OLFML2A: variants seen among roughly 807,000 people sequenced by gnomAD.
OLFML2A encodes olfactomedin-like protein 2A.
Under a neutral mutation model 60.9 loss-of-function variants are expected in OLFML2A, and 47 were observed. The ratio of observed to expected loss-of-function variants is 0.77; its 90% CI spans 0.61 to 0.98. The LOEUF is 0.98. Ranked by LOEUF, OLFML2A falls within the 50% of genes least tolerant of loss-of-function variation. OLFML2A has a pLI of 0.00. For synonymous variants in OLFML2A, 372 were observed against 375.0 expected (o/e 0.99, Z 0.09); for missense variants, 922 against 879.8 (o/e 1.05, Z -0.61).
At position 124,777,314 on chromosome 9, in the gene OLFML2A, C is replaced by G. The variant is rs990227467; in HGVS notation, c.44C>G (p.Pro15Arg). 6.2e-6 allele frequency: 8 copies of G among 1,298,122 alleles called. No individual in the cohort carries two copies. The highest frequency in any genetic ancestry group is 7.9e-6 in the Non-Finnish European group (8 of 1,017,244). 80.4% of individuals were successfully genotyped at this position (1,298,122 alleles called of 1,614,324 possible). ...ALPPRPLLLLPLVLLLSGRPT... is the reference protein window; with the variant it reads ...ALPPRPLLLLRLVLLLSGRPT... ...CCGCCCCGGCCGCTGCTCCTTCTGCCGCTAGTGCTGCTGCTGAGCGGCCGC... is the reference window on the plus strand; with the variant it reads ...CCGCCCCGGCCGCTGCTCCTTCTGCGGCTAGTGCTGCTGCTGAGCGGCCGC... The change falls in exon 1 of 8, where the codon CCG (proline) becomes CGG (arginine). Residue 15 changes from proline to arginine, a missense_variant. Transcript: ENST00000373580. The surrounding 1 kb of genome is among the most constrained non-coding windows in gnomAD (Gnocchi z 6.2).
intron 3 of OLFML2A, among the ~76,000 whole-genome samples, chr9:124,795,662 C>A (rs1239248684): frequency 1.3e-5 from 2 of 152,234 alleles, no homozygotes; most frequent in East Asian, 3.8e-4. Context: ...GTAATCCCAG[C>A]TACTCAGTAG....
intron 2 of OLFML2A, among the ~76,000 whole-genome samples, chr9:124,788,697 A>G (rs920851972): frequency 2.0e-5 from 3 of 152,176 alleles, no homozygotes; most frequent in African/African-American, 7.2e-5. Flanking sequence ...GCCCCAGACT[A>G]GGGCCCCCCA....
At chr9:124,783,037 A>T (rs990351774) in intron 1 of OLFML2A, among the ~76,000 whole-genome samples, 1 of 151,668 alleles carries the variant, frequency 6.6e-6, no homozygotes, top group Admixed American at 6.6e-5. Flanking sequence ...CCTGAGCCTG[A>T]CTGTTGGTGT....
In OLFML2A at chr9:124,810,131, G is replaced by A. The variant is rs748788898; in HGVS notation, c.1678G>A (p.Val560Met). The A allele has an allele frequency of 2.6e-5, 42 of 1,613,748 alleles. No individual in the cohort carries two copies. Among genetic ancestry groups the A allele is most frequent in the East Asian group, 1.6e-4 (7 of 44,884 alleles). The change falls in exon 8 of 8, where the codon GTG (valine) becomes ATG (methionine). Residue 560 changes from valine (V) to methionine (M), a missense_variant. Transcript: ENST00000373580. ...LSRLDPGDLS[V>M]HRETTWKTRL... The stretch of plus-strand genomic sequence containing the variant: ...TCGCTTGGACCCCGGCGATCTCTCC[G>A]TGCACCGGGAGACCACGTGGAAGAC...
chr9:124,787,315 A>G (rs1322663166), intron 2 of OLFML2A, 77 bp downstream of exon 2: 1 of 1,407,370 alleles, frequency 7.1e-7, no homozygotes, highest in Non-Finnish European at 9.9e-7. Context: ...TGAAAATTCC[A>G]CACACTCTGT....
chr9:124,794,823 T>C (rs1841635078), intron 2 of OLFML2A, among the ~76,000 whole-genome samples: 1 of 152,048 alleles, frequency 6.6e-6, no homozygotes, highest in Non-Finnish European at 1.5e-5. Context: ...TGTTTCACCA[T>C]GTTGGCCAGA....
Position 124,807,888 on chromosome 9 carries a change from G to A in OLFML2A, c.1276G>A (p.Asp426Asn), listed in dbSNP as rs1436028176. 6.2e-7 allele frequency: 1 copy of A among 1,614,196 alleles called. No homozygotes were observed. The highest frequency in any genetic ancestry group is 8.5e-7 in the Non-Finnish European group (1 of 1,180,018). Residue 426 changes from aspartate to asparagine, a missense_variant, in exon 7 of 8, where the codon GAC becomes AAC. Physicochemically the swap from Asp to Asn is conservative, Grantham distance 23. Coordinates refer to ENST00000373580, the MANE Select transcript of OLFML2A (RefSeq NM_182487.4). ...GAWMKDPAAR[D>N]DRIYVTNYYY... ...CTGGATGAAGGACCCTGCAGCTCGA[G>A]ACGACAGGATCTATGTCACCAACTA...
At chr9:124,799,538 G>C in intron 4 of OLFML2A, 47 bp downstream of exon 4, 1 of 1,470,598 alleles carries the variant, frequency 6.8e-7, no homozygotes, top group East Asian at 2.5e-5. Flanking sequence ...CTGAACTTGG[G>C]AGCTCAGTGT....
chr9:124,784,790 T>A (rs1190503864), intron 1 of OLFML2A, among the ~76,000 whole-genome samples: 1 of 152,138 alleles, frequency 6.6e-6, no homozygotes, highest in Non-Finnish European at 1.5e-5. Flanking sequence ...ATCTGTTTGC[T>A]GTCTCTATGG....
chr9:124,808,919 G>T (rs1317399654), intron 7 of OLFML2A, among the ~76,000 whole-genome samples: 2 of 151,912 alleles, frequency 1.3e-5, no homozygotes, highest in Non-Finnish European at 2.9e-5. Context: ...ACTTTGGGAG[G>T]CTGAGGTGGG....
Position 124,810,371 on chromosome 9 carries a change from A to G in OLFML2A, c.1918A>G (p.Asn640Asp). ...PKERVLYAWD[N>D]GHQLTYTLHF... ...GGAGCGGGTGCTGTACGCCTGGGAC[A>G]ATGGCCACCAGCTCACCTACACCCT... The change falls in exon 8 of 8, where the codon AAT (asparagine) becomes GAT (aspartate). Residue 640 changes from asparagine to aspartate, a missense_variant. By Grantham distance (23) the Asn-to-Asp change is conservative (BLOSUM62 1). Transcript: ENST00000373580. 6.2e-7 allele frequency: 1 copy of G among 1,601,080 alleles called. No individual in the cohort carries two copies. The highest frequency in any genetic ancestry group is 8.5e-7 in the Non-Finnish European group (1 of 1,179,544).
At chr9:124,783,628 GC>G (rs1648482261) in intron 1 of OLFML2A, among the ~76,000 whole-genome samples, 1 of 152,170 alleles carries the variant, frequency 6.6e-6, no homozygotes, top group Admixed American at 6.6e-5. Flanking sequence ...ATATTAAGTT[GC>G]CTACAGTCTC....
chr9:124,794,959 T>C (rs1195215963), intron 2 of OLFML2A, 65 bp from the exon 3 acceptor site: 5 of 967,646 alleles, frequency 5.2e-6, no homozygotes, highest in Admixed American at 2.1e-5. Flanking sequence ...GGGTTCCTTT[T>C]ACCCTCTGTG....
At chr9:124,782,793 C>T (rs1352298344) in intron 1 of OLFML2A, among the ~76,000 whole-genome samples, 3 of 152,132 alleles carry the variant, frequency 2.0e-5, no homozygotes, top group African/African-American at 7.2e-5. Flanking sequence ...TGTCACGGTC[C>T]GATGTGGAGG....
At chr9:124,803,942 C>T (rs1338940593) in intron 5 of OLFML2A, 152 bp from the exon 6 acceptor site, 1 of 823,558 alleles carries the variant, frequency 1.2e-6, no homozygotes, top group Non-Finnish European at 1.9e-6. Flanking sequence ...ATTTGGAGAC[C>T]TTTCACCCCC....
chr9:124,808,028 T>C (rs1265932619), intron 7 of OLFML2A, 62 bp downstream of exon 7: 45 of 1,300,062 alleles, frequency 3.5e-5, no homozygotes, highest in Non-Finnish European at 4.4e-5. Context: ...GGGGTCCTCA[T>C]GGGGACTTGG....
In OLFML2A at chr9:124,810,713, C is replaced by T. The variant is rs984386576; in HGVS notation, c.*301C>T. The T allele has an allele frequency of 3.6e-5, 15 of 417,890 alleles. No homozygotes were observed. Among genetic ancestry groups the T allele is most frequent in the Middle Eastern group, 6.6e-4 (1 of 1,516 alleles). 25.9% of individuals were successfully genotyped at this position (417,890 alleles called of 1,614,324 possible). Reference sequence around the variant, plus strand: ...CGAGGAGACAGGCTCAGAGAGGCACCGTCCCTTGCCTAACACCTCAGTTGT... The same window carrying T: ...CGAGGAGACAGGCTCAGAGAGGCACTGTCCCTTGCCTAACACCTCAGTTGT... On this transcript the variant is annotated 3_prime_UTR_variant, in exon 8 of 8. Coordinates refer to ENST00000373580, the MANE Select transcript of OLFML2A (RefSeq NM_182487.4).
intron 2 of OLFML2A, among the ~76,000 whole-genome samples, chr9:124,789,404 A>G (rs1841534373): frequency 6.6e-6 from 1 of 152,210 alleles, no homozygotes. Context: ...TCAAAGACAA[A>G]GGACTTTATT....
At chr9:124,793,187 G>A (rs556112534) in intron 2 of OLFML2A, among the ~76,000 whole-genome samples, 57 of 152,346 alleles carry the variant, frequency 3.7e-4, no homozygotes, top group African/African-American at 1.3e-3. Context: ...GTGCGTGAGG[G>A]TGGGCCCGAG....
Sources: allele counts gnomAD v4.1 joint callset (sites outside exome capture counted in the v4.1 genomes callset), GRCh38; gene constraint gnomAD v4.1.1; non-coding constraint Gnocchi (gnomAD v3.1); transcripts MANE v1.5; gene names NCBI Gene and HGNC (gene_info 2026-07-23, HGNC 2026-07-21).